Variants in KIF13A observed in about 807,000 individuals in gnomAD.
The protein encoded by KIF13A is kinesin-like protein KIF13A.
A neutral mutation model predicts 212.2 loss-of-function variants in KIF13A; 79 were observed. That is an observed-to-expected ratio of 0.37 (90% CI 0.31 to 0.45). KIF13A has a LOEUF of 0.45. KIF13A is among the 20% of genes least tolerant of loss of function. KIF13A has a pLI of 1.00. For synonymous variants in KIF13A, 789 were observed against 808.6 expected, an observed-to-expected ratio of 0.98 and a Z score of 0.41; for missense variants, 1,901 against 2,209.0, an observed-to-expected ratio of 0.86 and a Z score of 2.79.
chr6:17,833,956 G>A lies in KIF13A; in HGVS notation c.1266+5C>T. 6.8e-7 allele frequency: 1 copy of A among 1,469,218 alleles called. No individual in the cohort carries two copies. Among genetic ancestry groups the A allele is most frequent in the South Asian group, 1.3e-5 (1 of 79,808 alleles). 91.0% of individuals were successfully genotyped at this position (1,469,218 alleles called of 1,614,324 possible). ...CAATATTTTAGGGCTAAATTATCAA[G>A]CTACCTGTGCTATCTCTTCTGTTTT... On this transcript the variant is annotated splice_donor_5th_base_variant and intron_variant, in intron 12 of 38. Coordinates refer to ENST00000259711, the MANE Select transcript of KIF13A (RefSeq NM_022113.6).
In KIF13A at chr6:17,825,705, C is replaced by T. The variant is rs1764907679; in HGVS notation, c.1786+63G>A. 5 of 1,463,214 alleles carry T rather than the reference C, an allele frequency of 3.4e-6. No homozygotes were observed. Among genetic ancestry groups the T allele is most frequent in the African/African-American group, 1.4e-5 (1 of 70,538 alleles). 90.6% of individuals were successfully genotyped at this position (1,463,214 alleles called of 1,614,324 possible). ...AATGACACCTGATGCATGCTTATCC[C>T]TCACTGAATGGTGTGAGGTGAGGAA... is the stretch of plus-strand genomic sequence containing the variant. On this transcript the variant is annotated intron_variant, in intron 16 of 38. Coordinates refer to ENST00000259711, the MANE Select transcript of KIF13A (RefSeq NM_022113.6). This position sits in a 1 kb window ranked among gnomAD's most constrained non-coding sequence, Gnocchi z 4.5.
intron 2 of KIF13A, among the ~76,000 whole-genome samples, chr6:17,927,604 A>G (rs901107365): frequency 3.3e-5 from 5 of 152,230 alleles, no homozygotes; most frequent in South Asian, 2.1e-4. Context: ...TGATGGCTGC[A>G]TAACACTGTG....
intron 16 of KIF13A, chr6:17,821,924 C>T (rs932671783): frequency 7.2e-6 from 11 of 1,534,836 alleles, no homozygotes; most frequent in Non-Finnish European, 9.6e-6. Context: ...AGAGGGGAAT[C>T]ACAGTGAACA....
chr6:17,779,822 C>T, intron 31 of KIF13A, 138 bp from the exon 32 acceptor site: 1 of 445,256 alleles, frequency 2.2e-6, no homozygotes, highest in East Asian at 5.6e-5. Context: ...TCACTGCAGG[C>T]TCCGCCCCCT....
chr6:17,918,524 A>T lies in KIF13A; in HGVS notation c.147-20344T>A, dbSNP rs974257772. ...TTTACTGGATTACTCAGTAGCTCTT[A>T]AAGTGGCAGGTATCAAGTGGGGAAG... On this transcript the variant is annotated intron_variant, in intron 2 of 38. Transcript: ENST00000259711. The surrounding 1 kb of genome is among the most constrained non-coding windows in gnomAD (Gnocchi z 4.8). Among the ~76,000 whole-genome samples, 155 of 152,174 alleles carry T rather than the reference A, an allele frequency of 1.0e-3. 1 individual carries two copies. Among genetic ancestry groups the T allele is most frequent in the Admixed American group, 0.01 (154 of 15,272 alleles).
Position 17,772,146 on chromosome 6 carries a change from A to G in KIF13A, c.4325-87T>C, listed in dbSNP as rs1438256829. 2.4e-6 allele frequency: 3 copies of G among 1,249,250 alleles called. No homozygotes were observed. The highest frequency in any genetic ancestry group is 2.4e-5 in the East Asian group (1 of 42,226). 77.4% of individuals were successfully genotyped at this position (1,249,250 alleles called of 1,614,324 possible). On this transcript the variant is annotated intron_variant, in intron 36 of 38. Coordinates refer to ENST00000259711, the MANE Select transcript of KIF13A (RefSeq NM_022113.6). This position sits in a 1 kb window ranked among gnomAD's most constrained non-coding sequence, Gnocchi z 4.8. ...CTGAGACAATGACCCAGCCATGGGAATATCTGGGAGAACAATGAAATTCAT... is the reference window on the plus strand; with the variant it reads ...CTGAGACAATGACCCAGCCATGGGAGTATCTGGGAGAACAATGAAATTCAT...
chr6:17,760,473 G>A (rs1758537983), downstream of KIF13A: 1 of 192,868 alleles, frequency 5.2e-6, no homozygotes, highest in Non-Finnish European at 1.1e-5. Context: ...ACAGATTAGA[G>A]CATTGACTCC....
At chr6:17,924,786 T>A (rs1180748729) in intron 2 of KIF13A, among the ~76,000 whole-genome samples, 1 of 152,196 alleles carries the variant, frequency 6.6e-6, no homozygotes, top group Non-Finnish European at 1.5e-5. Context: ...CAGATGTAGA[T>A]GGAAACATAC....
chr6:17,861,233 A>G (rs1768749230), intron 4 of KIF13A, among the ~76,000 whole-genome samples: 2 of 152,186 alleles, frequency 1.3e-5, no homozygotes, highest in Non-Finnish European at 2.9e-5. Context: ...ATTTTTACAA[A>G]TTTACACAAG....
In KIF13A at chr6:17,789,445, T is replaced by G. The variant is rs1003454588; in HGVS notation, c.3261+427A>C. ...TGGATGTAAGGAGCAGAATGCACTT[T>G]AGCATGGGAAAGATAAGAGTCTATC... On this transcript the variant is annotated intron_variant, in intron 26 of 38. Transcript: ENST00000259711. The surrounding 1 kb of genome is among the most constrained non-coding windows in gnomAD (Gnocchi z 4.8). 3.3e-5 allele frequency among the ~76,000 whole-genome samples: 5 copies of G among 152,210 alleles called. No individual in the cohort carries two copies. Among genetic ancestry groups the G allele is most frequent in the Non-Finnish European group, 7.3e-5 (5 of 68,038 alleles).
intron 6 of KIF13A, among the ~76,000 whole-genome samples, chr6:17,853,403 G>A (rs1488126166): frequency 2.6e-5 from 4 of 152,136 alleles, no homozygotes; most frequent in Non-Finnish European, 5.9e-5. Flanking sequence ...GGTGGGGGTG[G>A]AAATTGGTAC....
chr6:17,857,755 T>C (rs1018650068), intron 4 of KIF13A, among the ~76,000 whole-genome samples: 5 of 152,080 alleles, frequency 3.3e-5, no homozygotes, highest in African/African-American at 1.2e-4. Context: ...ACAGCATCTA[T>C]AAAAGGGAAT....
intron 17 of KIF13A, among the ~76,000 whole-genome samples, chr6:17,814,662 A>C (rs574548479): frequency 2.6e-5 from 4 of 152,340 alleles, no homozygotes; most frequent in African/African-American, 9.6e-5. Flanking sequence ...TGATTAAGGC[A>C]GGATATTTAA....
At chr6:17,957,654 C>T (rs907542522) in intron 2 of KIF13A, among the ~76,000 whole-genome samples, 1 of 152,166 alleles carries the variant, frequency 6.6e-6, no homozygotes, top group Non-Finnish European at 1.5e-5. Context: ...GGATCTGACA[C>T]TATCTCTGAG....
Position 17,777,677 on chromosome 6 carries a change from C to T in KIF13A, c.4093-323G>A, listed in dbSNP as rs941608656. Among the ~76,000 whole-genome samples, 3 of 152,124 alleles carry T rather than the reference C, an allele frequency of 2.0e-5. No individual in the cohort carries two copies. Among genetic ancestry groups the T allele is most frequent in the Admixed American group, 2.0e-4 (3 of 15,264 alleles). On this transcript the variant is annotated intron_variant, in intron 33 of 38. Coordinates refer to ENST00000259711, the MANE Select transcript of KIF13A (RefSeq NM_022113.6). This position sits in a 1 kb window ranked among gnomAD's most constrained non-coding sequence, Gnocchi z 4.4. The stretch of plus-strand genomic sequence containing the variant: ...AGGATTACAGGCGTGAGCCACCGCA[C>T]CCGGCCATTACTTTATTTTTTATTC...
At chr6:17,857,090 T>C (rs1392098139) in intron 4 of KIF13A, among the ~76,000 whole-genome samples, 1 of 152,170 alleles carries the variant, frequency 6.6e-6, no homozygotes, top group Non-Finnish European at 1.5e-5. Flanking sequence ...TCCTTTTACA[T>C]TTGAAAATAA....
Position 17,957,004 on chromosome 6 carries a change from C to T in KIF13A, c.146+30050G>A, listed in dbSNP as rs139891292. Among the ~76,000 whole-genome samples, 1,068 of 152,224 alleles carry T rather than the reference C, an allele frequency of 7.0e-3. 17 individuals carry two copies. Among genetic ancestry groups the T allele is most frequent in the African/African-American group, 0.025 (1,035 of 41,540 alleles). Reference sequence around the variant, plus strand: ...CAAGTGATTCTCCTGCCTCAGCCTCCCAAGTAGCTGGGATTGCAGGTACCC... The same window carrying T: ...CAAGTGATTCTCCTGCCTCAGCCTCTCAAGTAGCTGGGATTGCAGGTACCC... On this transcript the variant is annotated intron_variant, in intron 2 of 38. Coordinates refer to ENST00000259711, the MANE Select transcript of KIF13A (RefSeq NM_022113.6).
In KIF13A at chr6:17,773,079, G is replaced by A. The variant is rs774985570; in HGVS notation, c.4324+399C>T. On this transcript the variant is annotated intron_variant, in intron 36 of 38. Transcript: ENST00000259711. This position sits in a 1 kb window ranked among gnomAD's most constrained non-coding sequence, Gnocchi z 4.2. The stretch of plus-strand genomic sequence containing the variant: ...ATGAATCAAACTCATTTTGGGTATC[G>A]TTTTTGAAAACTGCTTTATGAATCA... Among the ~76,000 whole-genome samples the A allele has an allele frequency of 7.9e-5, 12 of 152,094 alleles. No homozygotes were observed. The highest frequency in any genetic ancestry group is 4.1e-4 in the South Asian group (2 of 4,828).
chr6:17,860,758 AAATAAATGTTT>A (rs1768688851), intron 4 of KIF13A, among the ~76,000 whole-genome samples: 1 of 152,172 alleles, frequency 6.6e-6, no homozygotes, highest in Non-Finnish European at 1.5e-5. Context: ...TTGAACTTAA[AAATAAATGTTT>A]AATTGTATTA....
Sources: gnomAD v4.1 joint callset for allele counts (sites outside exome capture counted in the v4.1 genomes callset) on GRCh38, gnomAD v4.1.1 for gene constraint, Gnocchi (gnomAD v3.1) non-coding constraint, MANE v1.5 for transcripts, NCBI Gene and HGNC (gene_info 2026-07-23, HGNC 2026-07-21) for gene names.